Variants in HNF1A observed in about 807,000 individuals in gnomAD.
HNF1A encodes HNF1 homeobox A.
HNF1A carries 21 observed loss-of-function variants against 62.2 expected under a neutral mutation model. That is an observed-to-expected ratio of 0.34 (90% CI 0.24 to 0.49). HNF1A has a LOEUF of 0.49. Ranked by LOEUF, HNF1A falls within the 20% of genes least tolerant of loss-of-function variation. The probability of loss-of-function intolerance (pLI) is 0.99; values close to 1 mark genes in which losing one functional copy is unlikely to be tolerated. For synonymous variants in HNF1A, 374 were observed against 366.8 expected, an observed-to-expected ratio of 1.02 and a Z score of -0.22; for missense variants, 687 against 832.3, an observed-to-expected ratio of 0.83 and a Z score of 2.15.
Position 120,994,418 on chromosome 12 carries a change from T to TG in HNF1A, c.955+17dup. Reference sequence around the variant, plus strand: ...AGTAAGGTCCACGGTAAGTGGTATGTGGGGACAAGGGACACGTGGGAAGGT... The same window carrying TG: ...AGTAAGGTCCACGGTAAGTGGTATGTGGGGGACAAGGGACACGTGGGAAGGT... On this transcript the variant is annotated intron_variant, in intron 4 of 9. Coordinates refer to ENST00000257555, the MANE Select transcript of HNF1A (RefSeq NM_000545.8). 1 of 1,582,598 alleles carries TG rather than the reference T, an allele frequency of 6.3e-7. No individual in the cohort carries two copies. The highest frequency in any genetic ancestry group is 8.6e-7 in the Non-Finnish European group (1 of 1,162,860).
rs1260001032 is a variant in HNF1A, at chr12:121,002,006, C to G, written c.*814C>G. ...GAAGTCGTCCTTACTCCTGTGGGAG[C>G]CTCGCAACCCGTGCCAAGTCCAGGT... On this transcript the variant is annotated 3_prime_UTR_variant, in exon 10 of 10. Coordinates refer to ENST00000257555, the MANE Select transcript of HNF1A (RefSeq NM_000545.8). The G allele has an allele frequency of 1.5e-5, 8 of 536,472 alleles. No individual in the cohort carries two copies. The highest frequency in any genetic ancestry group is 3.7e-5 in the African/African-American group (2 of 53,800). The allele number at this position is 536,472 out of a possible 1,614,324, so 33.2% of individuals were successfully genotyped here.
At position 121,001,624 on chromosome 12, in the gene HNF1A, G is replaced by A. The variant is rs575851023; in HGVS notation, c.*432G>A. On this transcript the variant is annotated 3_prime_UTR_variant, in exon 10 of 10. Transcript: ENST00000257555. ...AGCTGTGACCTGCTGAGCTCTGAGA[G>A]GCCCTGGATCAGCGTGGCCTTGTTC... is the stretch of plus-strand genomic sequence containing the variant. 182 of 440,424 alleles carry A rather than the reference G, an allele frequency of 4.1e-4. No individual in the cohort carries two copies. Among genetic ancestry groups the A allele is most frequent in the African/African-American group, 3.3e-3 (169 of 50,868 alleles). The allele number at this position is 440,424 out of a possible 1,614,324, so 27.3% of individuals were successfully genotyped here.
rs1402941270 is a variant in HNF1A, at chr12:120,999,323, G to C, written c.1557G>C (p.Pro519=). 2 of 1,613,922 alleles carry C rather than the reference G, an allele frequency of 1.2e-6. No individual in the cohort carries two copies. The highest frequency in any genetic ancestry group is 1.7e-6 in the Non-Finnish European group (2 of 1,179,948). ...AGTACACCCACACGGGCCTGCTCCCGCAGACTATGCTCATCACCGACACCA... is the reference window on the plus strand; with the variant it reads ...AGTACACCCACACGGGCCTGCTCCCCCAGACTATGCTCATCACCGACACCA... The part of the protein sequence containing the change: ...VAQYTHTGLL[P]QTMLITDTTN... The change falls in exon 8 of 10, where the codon CCG becomes CCC. Residue 519 remains proline, a synonymous_variant. Coordinates refer to ENST00000257555, the MANE Select transcript of HNF1A (RefSeq NM_000545.8).
intron 1 of HNF1A, 152 bp downstream of exon 1, chr12:120,979,246 G>A (rs1332800986): frequency 2.7e-6 from 2 of 745,350 alleles, no homozygotes; most frequent in Admixed American, 4.5e-5. Context: ...GAGCCCAGGG[G>A]TCCTTGCTTG....
chr12:120,997,411 G>A, intron 6 of HNF1A, 63 bp from the exon 7 acceptor site: 3 of 1,502,862 alleles, frequency 2.0e-6, no homozygotes, highest in African/African-American at 2.7e-5. Context: ...GCCCTTGGGA[G>A]GTCTTGGGCA....
intron 1 of HNF1A, among the ~76,000 whole-genome samples, chr12:120,988,413 C>A (rs1031925059): frequency 6.6e-6 from 1 of 151,652 alleles, no homozygotes. Flanking sequence ...TCCACCCATT[C>A]GCCCATCCAT....
At chr12:120,983,196 G>A (rs1047264561) in intron 1 of HNF1A, among the ~76,000 whole-genome samples, 3 of 152,184 alleles carry the variant, frequency 2.0e-5, no homozygotes, top group East Asian at 1.9e-4. Flanking sequence ...AGATGTGGGC[G>A]GGTCTTCACT....
chr12:121,001,305 C>G lies in HNF1A; in HGVS notation c.*113C>G. The G allele has an allele frequency of 7.6e-7, 1 of 1,316,794 alleles. No homozygotes were observed. Among genetic ancestry groups the G allele is most frequent in the Non-Finnish European group, 1.1e-6 (1 of 942,546 alleles). 81.6% of individuals were successfully genotyped at this position (1,316,794 alleles called of 1,614,324 possible). A position where few individuals can be genotyped will look rare whatever the true frequency, so the allele number is the denominator to read the frequency against. ...CCGAGCAACCGTGGCCCTTCCTGGACAGCTGTGCCTCGCTCCCCACTCTGC... is the reference window on the plus strand; with the variant it reads ...CCGAGCAACCGTGGCCCTTCCTGGAGAGCTGTGCCTCGCTCCCCACTCTGC... On this transcript the variant is annotated 3_prime_UTR_variant, in exon 10 of 10. Transcript: ENST00000257555.
chr12:120,994,444 G>A, intron 4 of HNF1A, 39 bp downstream of exon 4: 1 of 1,561,098 alleles, frequency 6.4e-7, no homozygotes, highest in Non-Finnish European at 8.7e-7. Flanking sequence ...GTGGGAAGGT[G>A]GGAGGGTTGG....
Position 120,996,257 on chromosome 12 carries a change from T to C in HNF1A, c.956-5T>C. 1 of 1,613,952 alleles carries C rather than the reference T, an allele frequency of 6.2e-7. No homozygotes were observed. Among genetic ancestry groups the C allele is most frequent in the Middle Eastern group, 1.7e-4 (1 of 5,964 alleles). ...GCTGAGGCAGGACACTGCTTCCCTC[T>C]CCAGGTGTGCGCTATGGACAGCCTG... On this transcript the variant is annotated splice_polypyrimidine_tract_variant and splice_region_variant and intron_variant, in intron 4 of 9. Coordinates refer to ENST00000257555, the MANE Select transcript of HNF1A (RefSeq NM_000545.8). The surrounding 1 kb of genome is among the most constrained non-coding windows in gnomAD (Gnocchi z 4.5).
At chr12:120,988,276 C>T (rs1481206578) in intron 1 of HNF1A, among the ~76,000 whole-genome samples, 4 of 146,882 alleles carry the variant, frequency 2.7e-5, no homozygotes, top group African/African-American at 1.0e-4. Context: ...ACCCACCCAC[C>T]AATCCATCCA....
intron 7 of HNF1A, among the ~76,000 whole-genome samples, chr12:120,998,694 A>G (rs1211448099): frequency 1.3e-5 from 2 of 151,542 alleles, no homozygotes; most frequent in African/African-American, 4.9e-5. Flanking sequence ...GTGTCTCCTG[A>G]GGGGTGGGTG....
intron 4 of HNF1A, among the ~76,000 whole-genome samples, chr12:120,995,336 C>A (rs542204412): frequency 6.6e-6 from 1 of 152,048 alleles, no homozygotes; most frequent in South Asian, 2.1e-4. Context: ...CTGCTCCATC[C>A]ACTCCACTCC....
intron 6 of HNF1A, chr12:120,997,088 A>T (rs1877148136): frequency 1.4e-6 from 2 of 1,406,242 alleles, no homozygotes; most frequent in African/African-American, 2.9e-5. Context: ...GAAAGCCCTT[A>T]TTTGCAGGTA....
At chr12:120,979,335 T>G (rs575098936) in intron 1 of HNF1A, among the ~76,000 whole-genome samples, 2 of 152,118 alleles carry the variant, frequency 1.3e-5, no homozygotes, top group Non-Finnish European at 2.9e-5. Flanking sequence ...AGCCCAGTCC[T>G]TGGGCAAGGG....
chr12:120,989,276 A>G (rs891611116), intron 2 of HNF1A, among the ~76,000 whole-genome samples: 21 of 151,848 alleles, frequency 1.4e-4, no homozygotes, highest in African/African-American at 5.1e-4. Flanking sequence ...TTCTTTTTTT[A>G]GATAGAGTTT....
At chr12:120,991,492 G>A (rs983703734) in intron 2 of HNF1A, among the ~76,000 whole-genome samples, 1 of 152,190 alleles carries the variant, frequency 6.6e-6, no homozygotes, top group Non-Finnish European at 1.5e-5. Flanking sequence ...TACTTGGGAG[G>A]CCAAGGCAAG....
At chr12:120,989,206 A>T (rs879558860) in intron 2 of HNF1A, among the ~76,000 whole-genome samples, 174 bp downstream of exon 2, 2 of 152,202 alleles carry the variant, frequency 1.3e-5, no homozygotes, top group Non-Finnish European at 2.9e-5. Context: ...ACTCTGTGGG[A>T]CGGGAGTAGA....
chr12:120,998,795 G>A (rs1200885459), intron 7 of HNF1A, among the ~76,000 whole-genome samples: 1 of 152,148 alleles, frequency 6.6e-6, no homozygotes. Context: ...TTTGACAGGG[G>A]CCACCTGAAC....
Sources: allele counts gnomAD v4.1 joint callset (sites outside exome capture counted in the v4.1 genomes callset), GRCh38; gene constraint gnomAD v4.1.1; non-coding constraint Gnocchi (gnomAD v3.1); transcripts MANE v1.5; gene names NCBI Gene and HGNC (gene_info 2026-07-23, HGNC 2026-07-21).